The following CA5A variants were observed in gnomAD, a reference collection of about 807,000 sequenced individuals.
CA5A encodes carbonic anhydrase 5A, also known as carbonic anhydrase 5A, mitochondrial.
CA5A carries 28 observed loss-of-function variants against 37.1 expected under a neutral mutation model. The ratio of observed to expected loss-of-function variants is 0.75; its 90% CI spans 0.56 to 1.03. CA5A has a LOEUF of 1.03. CA5A is among the 50% of genes least tolerant of loss of function. CA5A has a pLI of 0.00. For missense variants in CA5A, 444 were observed against 399.9 expected (o/e 1.11, Z -0.94); for synonymous variants, 171 against 158.4 (o/e 1.08, Z -0.60).
chr16:87,930,029 G>T (rs1261279128), intron 1 of CA5A, among the ~76,000 whole-genome samples: 3 of 152,146 alleles, frequency 2.0e-5, no homozygotes, highest in African/African-American at 7.2e-5. Flanking sequence ...GGAGATAAAG[G>T]TGATGATAGA....
chr16:87,884,066 AG>A (rs1166636969), downstream of CA5A: 4 of 151,968 alleles, frequency 2.6e-5, no homozygotes, highest in East Asian at 3.9e-4. Flanking sequence ...TAATGTAATT[AG>A]GTTTATTGTA....
intron 2 of CA5A, among the ~76,000 whole-genome samples, chr16:87,908,433 G>T (rs2055997052): frequency 6.6e-6 from 1 of 152,204 alleles, no homozygotes; most frequent in Non-Finnish European, 1.5e-5. Flanking sequence ...TCTGTGTAAA[G>T]AGAGTTACTA....
downstream of CA5A, chr16:87,887,819 C>T (rs1274090375): frequency 4.0e-6 from 1 of 247,670 alleles, no homozygotes; most frequent in African/African-American, 2.2e-5. Flanking sequence ...GGGCTTCTGG[C>T]TCACTGAACC....
At chr16:87,885,543 C>G (rs764468693), downstream of CA5A, 6 of 152,588 alleles carry the variant, frequency 3.9e-5, no homozygotes, top group African/African-American at 1.4e-4. Context: ...GCAGCACAGC[C>G]GAACTGAGCC....
At chr16:87,901,072 A>T (rs564134520) in intron 5 of CA5A, among the ~76,000 whole-genome samples, 8 of 152,334 alleles carry the variant, frequency 5.3e-5, no homozygotes, top group Non-Finnish European at 7.3e-5. Context: ...TCTACTAAAA[A>T]TACAAAAATT....
At chr16:87,890,689 C>A (rs1167341225) in intron 6 of CA5A, among the ~76,000 whole-genome samples, 1 of 152,200 alleles carries the variant, frequency 6.6e-6, no homozygotes, top group Non-Finnish European at 1.5e-5. Flanking sequence ...CATCTCAGCT[C>A]ACTGCAACCT....
chr16:87,898,729 A>ATTTTT (rs59375883), intron 5 of CA5A, among the ~76,000 whole-genome samples: 1 of 115,054 alleles, frequency 8.7e-6, no homozygotes, highest in African/African-American at 3.5e-5. Context: ...TCTAGTGTGG[A>ATTTTT]TTTTTTTTTT....
chr16:87,885,473 C>T (rs1319718565), downstream of CA5A: 1 of 152,324 alleles, frequency 6.6e-6, no homozygotes, highest in Non-Finnish European at 1.5e-5. Flanking sequence ...GCACACCCTC[C>T]AGAAAGCACA....
At chr16:87,900,500 C>G (rs2055863570) in intron 5 of CA5A, among the ~76,000 whole-genome samples, 1 of 152,272 alleles carries the variant, frequency 6.6e-6, no homozygotes. Context: ...AGGTTGAAGC[C>G]TCATCCGTCC....
chr16:87,935,600 G>C (rs962316407), intron 1 of CA5A, among the ~76,000 whole-genome samples: 2 of 152,200 alleles, frequency 1.3e-5, no homozygotes, highest in Non-Finnish European at 2.9e-5. Flanking sequence ...GTGTGGCCAG[G>C]CGCGGTGGCT....
rs1304168134 is a variant in CA5A, at chr16:87,924,406, C to T, written c.340+2342G>A. 5 of 769,520 alleles carry T rather than the reference C, an allele frequency of 6.5e-6. No individual in the cohort carries two copies. The East Asian group carries it at 5.2e-4, about 79-fold the overall frequency. The allele number at this position is 769,520 out of a possible 1,614,324, so 47.7% of individuals were successfully genotyped here. The stretch of plus-strand genomic sequence containing the variant: ...TTGCGATGCACTGTGTAGGGCCTGG[C>T]ACAGAGAAGAAGCTCTCACGCCCTG... On this transcript the variant is annotated intron_variant, in intron 2 of 6. Coordinates refer to ENST00000649794, the MANE Select transcript of CA5A (RefSeq NM_001739.2).
At chr16:87,923,886 A>G (rs1455712726) in intron 2 of CA5A, 4 of 984,774 alleles carry the variant, frequency 4.1e-6, no homozygotes, top group Non-Finnish European at 4.8e-6. Context: ...TCACACAAAT[A>G]TTAACCCAAA....
At chr16:87,918,782 A>C (rs2056190862) in intron 2 of CA5A, among the ~76,000 whole-genome samples, 1 of 151,884 alleles carries the variant, frequency 6.6e-6, no homozygotes, top group Non-Finnish European at 1.5e-5. Context: ...CCTGTCCTTC[A>C]TCTGAGGTTC....
chr16:87,900,382 C>T (rs936509323), intron 5 of CA5A, among the ~76,000 whole-genome samples: 1 of 152,170 alleles, frequency 6.6e-6, no homozygotes, highest in Non-Finnish European at 1.5e-5. Flanking sequence ...GAGGCCACCC[C>T]GAAGCCAGCA....
chr16:87,936,323 G>T lies in CA5A; in HGVS notation c.128C>A (p.Thr43Asn). The change falls in exon 1 of 7, where the codon ACC becomes AAC. Residue 43 changes from threonine (T) to asparagine (N), a missense_variant. Thr to Asn is a moderately conservative substitution (Grantham distance 65, BLOSUM62 0). Transcript: ENST00000649794. Reference protein sequence around the residue: ...WCSQRSCAWQTSNNTLHPLWT... With the variant: ...WCSQRSCAWQNSNNTLHPLWT... ...GCTCTACTTACAAGTGTTATTGCTG[G>T]TTTGCCATGCACAGGAACGCTGAGA... is the stretch of plus-strand genomic sequence containing the variant. 1.2e-6 allele frequency: 2 copies of T among 1,613,274 alleles called. No individual in the cohort carries two copies. The highest frequency in any genetic ancestry group is 8.5e-7 in the Non-Finnish European group (1 of 1,179,304).
At chr16:87,904,745 G>T in intron 3 of CA5A, 41 bp downstream of exon 3, 1 of 1,214,444 alleles carries the variant, frequency 8.2e-7, no homozygotes, top group Middle Eastern at 1.9e-4. Context: ...CGGAGACATG[G>T]AAAGTGTGCA....
chr16:87,901,960 A>C lies in CA5A; in HGVS notation c.570T>G (p.His190Gln). ...IGVFLKLGAHHQTLQRLVDIL... is the reference protein window; with the variant it reads ...IGVFLKLGAHQQTLQRLVDIL... ...TGTCCACCAGCCTCTGCAGCGTCTG[A>C]TGATGGGCCCCGAGCTGCATGGCAG... Residue 190 changes from histidine to glutamine, a missense_variant, in exon 5 of 7, where the codon CAT becomes CAG. Transcript: ENST00000649794. 1 of 1,613,806 alleles carries C rather than the reference A, an allele frequency of 6.2e-7. No individual in the cohort carries two copies. The highest frequency in any genetic ancestry group is 8.5e-7 in the Non-Finnish European group (1 of 1,179,824).
At chr16:87,924,448 C>T (rs2056274448) in intron 2 of CA5A, 4 of 391,826 alleles carry the variant, frequency 1.0e-5, no homozygotes, top group African/African-American at 4.4e-5. Context: ...ACAGCAGGTG[C>T]ATTAGAGGCA....
At chr16:87,930,196 G>A (rs911533296) in intron 1 of CA5A, among the ~76,000 whole-genome samples, 8 of 152,076 alleles carry the variant, frequency 5.3e-5, no homozygotes, top group Admixed American at 3.3e-4. Flanking sequence ...GTGCATTCCC[G>A]TGCTCCGACA....
Sources: allele counts gnomAD v4.1 joint callset (sites outside exome capture counted in the v4.1 genomes callset), GRCh38; gene constraint gnomAD v4.1.1; transcripts MANE v1.5; gene names NCBI Gene and HGNC (gene_info 2026-07-23, HGNC 2026-07-21).